LRRC37A2: variants seen among roughly 807,000 people sequenced by gnomAD.
LRRC37A2 encodes leucine-rich repeat-containing protein 37A2.
In LRRC37A2, 9 loss-of-function variants were observed where a neutral mutation model predicts 68.8. The observed-to-expected ratio is 0.13, with a 90% CI of 0.08 to 0.23. LRRC37A2 has a LOEUF of 0.23. Ranked by LOEUF, LRRC37A2 falls within the 10% of genes least tolerant of loss-of-function variation. The probability of loss-of-function intolerance (pLI) is 1.00; values close to 1 mark genes in which losing one functional copy is unlikely to be tolerated. For synonymous variants in LRRC37A2, 63 were observed against 367.6 expected, an observed-to-expected ratio of 0.17 and a Z score of 9.48; for missense variants, 168 against 950.4, an observed-to-expected ratio of 0.18 and a Z score of 10.82.
At chr17:46,818,713 G>A in the LRRC37A2 span, 2 of 1,048,484 alleles carry the variant, frequency 1.9e-6, no homozygotes, top group Non-Finnish European at 2.9e-6. Context: ...CTTGTCAGAA[G>A]CGCACCTCCA....
chr17:46,707,619 A>G, the LRRC37A2 span, among the ~76,000 whole-genome samples: 1 of 152,158 alleles, frequency 6.6e-6, no homozygotes, highest in Non-Finnish European at 1.5e-5. Flanking sequence ...GTACCCATGT[A>G]AGTGGAATCA....
the LRRC37A2 span, among the ~76,000 whole-genome samples, chr17:46,568,906 T>A: frequency 7.5e-6 from 1 of 132,778 alleles, no homozygotes; most frequent in East Asian, 2.1e-4. Flanking sequence ...ACAAAGCAGA[T>A]GTAGAAAAGA....
the LRRC37A2 span, among the ~76,000 whole-genome samples, chr17:46,877,441 T>G: frequency 6.6e-6 from 1 of 152,092 alleles, no homozygotes; most frequent in Non-Finnish European, 1.5e-5. Context: ...TTATGCACAC[T>G]CACCCAGCCG....
At chr17:46,932,240 G>T in the LRRC37A2 span, 1 of 1,611,972 alleles carries the variant, frequency 6.2e-7, no homozygotes, top group Non-Finnish European at 8.5e-7. Context: ...GCACTTGACA[G>T]ATCGTGGGGG....
chr17:46,548,294 T>A lies in LRRC37A2; in HGVS notation c.3173-18T>A. ...CCATCATCTTTCATGATCAAAGCAG[T>A]CTCTTCTTTTTTGACAGCTGAAGAA... On this transcript the variant is annotated intron_variant, in intron 9 of 14. Coordinates refer to ENST00000576629, the Ensembl canonical transcript of LRRC37A2. 1 of 423,424 alleles carries A rather than the reference T, an allele frequency of 2.4e-6. No homozygotes were observed. The highest frequency in any genetic ancestry group is 5.7e-5 in the Admixed American group (1 of 17,580). The allele number at this position is 423,424 out of a possible 1,614,324, so 26.2% of individuals were successfully genotyped here. A position where few individuals can be genotyped will look rare whatever the true frequency, so the allele number is the denominator to read the frequency against.
chr17:46,757,704 TA>T, the LRRC37A2 span, among the ~76,000 whole-genome samples: 193 of 145,090 alleles, frequency 1.3e-3, no homozygotes, highest in Non-Finnish European at 1.1e-3. Flanking sequence ...TTTATCTTAC[TA>T]AAAAAAAAAA....
chr17:46,774,025 C>G, the LRRC37A2 span: 1 of 1,431,078 alleles, frequency 7.0e-7, no homozygotes, highest in South Asian at 1.2e-5. Context: ...GGCCTGTGCC[C>G]TGGCACCTGA....
the LRRC37A2 span, chr17:47,018,912 C>T: frequency 4.6e-6 from 7 of 1,519,362 alleles, no homozygotes; most frequent in African/African-American, 8.3e-5. Flanking sequence ...CCCAACTCAG[C>T]CTCCTAAGAA....
At chr17:46,905,799 TGTGTGTGTGTGTGTGC>T in the LRRC37A2 span, among the ~76,000 whole-genome samples, 4 of 102,256 alleles carry the variant, frequency 3.9e-5, no homozygotes, top group African/African-American at 9.9e-5. Context: ...TGTGTGTGTG[TGTGTGTGTGTGTGTGC>T]GTTTGTTGGG....
At chr17:46,904,534 T>C in the LRRC37A2 span, among the ~76,000 whole-genome samples, 21 of 151,376 alleles carry the variant, frequency 1.4e-4, no homozygotes, top group African/African-American at 5.1e-4. Flanking sequence ...GATGGATGGA[T>C]GGATGGATGG....
the LRRC37A2 span, chr17:46,711,065 G>A: frequency 1.3e-6 from 2 of 1,584,884 alleles, no homozygotes; most frequent in Non-Finnish European, 1.7e-6. Flanking sequence ...GGAGCTGCTG[G>A]TGCAGCAGAC....
chr17:46,938,751 C>T, the LRRC37A2 span: 1 of 1,613,890 alleles, frequency 6.2e-7, no homozygotes. Flanking sequence ...TGGTGCAGTA[C>T]CTGACATGAG....
the LRRC37A2 span, among the ~76,000 whole-genome samples, chr17:46,953,475 C>T: frequency 6.6e-6 from 1 of 152,244 alleles, no homozygotes; most frequent in Admixed American, 6.5e-5. Flanking sequence ...GGTTCCAGGT[C>T]TTTGCTATTG....
At chr17:46,977,991 C>G in the LRRC37A2 span, among the ~76,000 whole-genome samples, 1 of 152,352 alleles carries the variant, frequency 6.6e-6, no homozygotes. Flanking sequence ...TGCCTTTCCT[C>G]GCTCTGGCCT....
chr17:47,023,611 T>G, the LRRC37A2 span, among the ~76,000 whole-genome samples: 2 of 152,088 alleles, frequency 1.3e-5, no homozygotes, highest in Non-Finnish European at 2.9e-5. Flanking sequence ...ATTTATTTTT[T>G]CAGATGGAAT....
chr17:46,995,687 A>T, the LRRC37A2 span, among the ~76,000 whole-genome samples: 9 of 152,208 alleles, frequency 5.9e-5, no homozygotes, highest in Non-Finnish European at 8.8e-5. Context: ...CCTTTGCATC[A>T]TGGAGCACCC....
chr17:46,798,588 T>C, the LRRC37A2 span, among the ~76,000 whole-genome samples: 1 of 152,202 alleles, frequency 6.6e-6, no homozygotes, highest in Non-Finnish European at 1.5e-5. Flanking sequence ...AAAGGTTGGA[T>C]GCACACAGTG....
At chr17:46,901,108 G>A in the LRRC37A2 span, among the ~76,000 whole-genome samples, 58 of 152,056 alleles carry the variant, frequency 3.8e-4, no homozygotes, top group Non-Finnish European at 6.3e-4. Flanking sequence ...TTGAGGTAGA[G>A]GGAACTGAAG....
At chr17:46,703,798 C>T in the LRRC37A2 span, among the ~76,000 whole-genome samples, 1 of 146,192 alleles carries the variant, frequency 6.8e-6, no homozygotes, top group African/African-American at 2.5e-5. Flanking sequence ...GCAACCATCA[C>T]TACCATTCAT....
Sources: gnomAD v4.1 joint callset for allele counts (sites outside exome capture counted in the v4.1 genomes callset) on GRCh38, gnomAD v4.1.1 for gene constraint, MANE v1.5 for transcripts, NCBI Gene and HGNC (gene_info 2026-07-23, HGNC 2026-07-21) for gene names.